The following TF variants were observed in gnomAD, a reference collection of about 807,000 sequenced individuals.
TF encodes transferrin, also known as serotransferrin.
TF carries 55 observed loss-of-function variants against 82.4 expected under a neutral mutation model. The ratio of observed to expected loss-of-function variants is 0.67; its 90% confidence interval spans 0.54 to 0.84. TF has a LOEUF of 0.84. Among genes scored for constraint, TF ranks in the 40% least tolerant of loss-of-function variants. TF has a pLI of 0.00. For synonymous variants in TF, 332 were observed against 332.6 expected, an observed-to-expected ratio of 1.00 and a Z score of 0.02; for missense variants, 737 against 868.4, an observed-to-expected ratio of 0.85 and a Z score of 1.90.
chr3:133,780,704 G>A lies in TF; in HGVS notation c.*2084G>A, dbSNP rs1197079371. 2.0e-5 allele frequency: 3 copies of A among 152,188 alleles called. No homozygotes were observed. Among genetic ancestry groups the A allele is most frequent in the Non-Finnish European group, 4.4e-5 (3 of 68,044 alleles). The allele number at this position is 152,188 out of a possible 1,614,324, so 9.4% of individuals were successfully genotyped here. Reference sequence around the variant, plus strand: ...GTGATTATACACCTAGGAAATCCATGAGAACCAAATAATAATAAAGTATTA... The same window carrying A: ...GTGATTATACACCTAGGAAATCCATAAGAACCAAATAATAATAAAGTATTA... On this transcript the variant is annotated 3_prime_UTR_variant, in exon 17 of 17. Transcript: ENST00000402696.
chr3:133,728,096 T>G, the TF span, among the ~76,000 whole-genome samples: 1 of 152,242 alleles, frequency 6.6e-6, no homozygotes, highest in African/African-American at 2.4e-5. Context: ...CATTTTTCCT[T>G]CATTTCAACT....
chr3:133,713,495 T>C, the TF span, among the ~76,000 whole-genome samples: 3 of 152,178 alleles, frequency 2.0e-5, no homozygotes, highest in African/African-American at 7.2e-5. Flanking sequence ...GAGTGATGTC[T>C]AGGAATGTAG....
At chr3:133,675,632 A>G in the TF span, among the ~76,000 whole-genome samples, 1 of 152,186 alleles carries the variant, frequency 6.6e-6, no homozygotes, top group Non-Finnish European at 1.5e-5. Context: ...TAACAGGTAA[A>G]ATTAGCCTTC....
At chr3:133,704,582 G>A in the TF span, among the ~76,000 whole-genome samples, 1 of 152,176 alleles carries the variant, frequency 6.6e-6, no homozygotes, top group Admixed American at 6.5e-5. Context: ...GCTGGCACGG[G>A]GCTGCAAGTC....
At chr3:133,680,533 C>T in the TF span, among the ~76,000 whole-genome samples, 2 of 145,242 alleles carry the variant, frequency 1.4e-5, no homozygotes, top group African/African-American at 5.1e-5. Context: ...CTTTTCTTTT[C>T]TTTTTTTTTT....
the TF span, among the ~76,000 whole-genome samples, chr3:133,730,484 T>C: frequency 6.6e-6 from 1 of 152,184 alleles, no homozygotes; most frequent in Non-Finnish European, 1.5e-5. Context: ...CAATTTTCTA[T>C]ACCAGGAGAG....
the TF span, among the ~76,000 whole-genome samples, chr3:133,722,023 A>T: frequency 6.6e-6 from 1 of 151,988 alleles, no homozygotes; most frequent in Non-Finnish European, 1.5e-5. Flanking sequence ...GAGACTACAG[A>T]TGCTTGCCAC....
the TF span, among the ~76,000 whole-genome samples, chr3:133,664,467 C>T: frequency 3.3e-5 from 5 of 152,092 alleles, no homozygotes; most frequent in Admixed American, 6.6e-5. Context: ...GGGTTACAGG[C>T]GTCTGCCATC....
the TF span, among the ~76,000 whole-genome samples, chr3:133,705,093 G>T: frequency 1.5e-3 from 223 of 152,218 alleles, no homozygotes; most frequent in African/African-American, 5.1e-3. Context: ...TGGCCAACAT[G>T]GCGAAACCCT....
At chr3:133,746,327 C>A, upstream of TF, 1 of 1,312,008 alleles carries the variant, frequency 7.6e-7, no homozygotes, top group Non-Finnish European at 1.1e-6. Flanking sequence ...CACGGGAGGT[C>A]AAAGATTGCG....
chr3:133,702,227 C>T, the TF span: 1 of 152,194 alleles, frequency 6.6e-6, no homozygotes, highest in African/African-American at 2.4e-5. Context: ...CCCACCCACC[C>T]CACAGGCCCC....
At chr3:133,765,377 C>T (rs1433777934) in intron 11 of TF, among the ~76,000 whole-genome samples, 3 of 152,240 alleles carry the variant, frequency 2.0e-5, no homozygotes, top group African/African-American at 7.2e-5. Flanking sequence ...ATCTGACCTT[C>T]TAGCCAGGGC....
the TF span, among the ~76,000 whole-genome samples, chr3:133,673,834 TTTAA>T: frequency 6.6e-6 from 1 of 152,258 alleles, no homozygotes; most frequent in Non-Finnish European, 1.5e-5. Flanking sequence ...TTTATTATAC[TTTAA>T]TTAAAAGTTC....
At position 133,766,411 on chromosome 3, in the gene TF, T is replaced by A. The variant is rs1486415911; in HGVS notation, c.1464T>A (p.Asn488Lys). ...ACATCCCCATGGGCCTGCTCTACAA[T>A]AAGATCAACCACTGCAGATTTGGTG... ...GWNIPMGLLY[N>K]KINHCRFDEF... Residue 488 changes from asparagine (N) to lysine (K), a missense_variant, in exon 12 of 17, where the codon AAT becomes AAA. Transcript: ENST00000402696. The A allele has an allele frequency of 2.5e-6, 4 of 1,614,020 alleles. No individual in the cohort carries two copies. The African/African-American group carries it at 4.0e-5, about 16-fold the overall frequency.
In TF at chr3:133,781,383, TGAAAG is replaced by T. The variant is rs1934513868; in HGVS notation, c.*2768_*2772del. On this transcript the variant is annotated 3_prime_UTR_variant, in exon 17 of 17. Coordinates refer to ENST00000402696, the MANE Select transcript of TF (RefSeq NM_001063.4). ...AGTGGTAAGATAAAATTCAGTAAAGTGAAAGGAAATATTAAAATAAAAAATAACTT... is the reference window on the plus strand; with the variant it reads ...AGTGGTAAGATAAAATTCAGTAAAGTGAAATATTAAAATAAAAAATAACTT... The T allele has an allele frequency of 6.6e-6, 1 of 151,878 alleles. No individual in the cohort carries two copies. Among genetic ancestry groups the T allele is most frequent in the Admixed American group, 6.6e-5 (1 of 15,248 alleles). The allele number at this position is 151,878 out of a possible 1,614,324, so 9.4% of individuals were successfully genotyped here. A position where few individuals can be genotyped will look rare whatever the true frequency, so the allele number is the denominator to read the frequency against.
Position 133,778,588 on chromosome 3 carries a change from C to T in TF, c.2065C>T (p.Leu689Phe). 6.2e-7 allele frequency: 1 copy of T among 1,613,228 alleles called. No homozygotes were observed. Among genetic ancestry groups the T allele is most frequent in the Non-Finnish European group, 8.5e-7 (1 of 1,179,418 alleles). Residue 689 changes from leucine (L) to phenylalanine (F), a missense_variant and splice_region_variant, in exon 17 of 17, where the codon CTC becomes TTC. Transcript: ENST00000402696. ...GNLRKCSTSS[L>F]LEACTFRRP is the part of the protein sequence containing the mutation. ...TACCTCTCTGCTCTGCTCCACAGCA[C>T]TCCTGGAAGCCTGCACTTTCCGTAG...
chr3:133,664,140 G>C, the TF span, among the ~76,000 whole-genome samples: 1 of 152,156 alleles, frequency 6.6e-6, no homozygotes, highest in East Asian at 1.9e-4. Flanking sequence ...TTGGGGTAGG[G>C]CTAGCAATCT....
chr3:133,693,259 C>G, the TF span, among the ~76,000 whole-genome samples: 1 of 152,176 alleles, frequency 6.6e-6, no homozygotes, highest in Non-Finnish European at 1.5e-5. Context: ...ATTGGGGATT[C>G]TAGACACACT....
At chr3:133,677,399 G>A in the TF span, among the ~76,000 whole-genome samples, 3 of 152,194 alleles carry the variant, frequency 2.0e-5, no homozygotes, top group Non-Finnish European at 4.4e-5. Context: ...CGCACTTTGG[G>A]AAGCCGAGGT....
Sources: gnomAD v4.1 joint callset for allele counts (sites outside exome capture counted in the v4.1 genomes callset) on GRCh38, gnomAD v4.1.1 for gene constraint, MANE v1.5 for transcripts, NCBI Gene and HGNC (gene_info 2026-07-23, HGNC 2026-07-21) for gene names.